The following MAP3K7CL variants were observed in gnomAD, a reference collection of about 807,000 sequenced individuals.
MAP3K7CL encodes MAP3K7 C-terminal-like protein.
A neutral mutation model predicts 18.6 loss-of-function variants in MAP3K7CL; 16 were observed. The observed-to-expected ratio is 0.86, with a 90% CI of 0.58 to 1.31. The LOEUF is 1.31. MAP3K7CL is among the 50% of genes most tolerant of loss of function. MAP3K7CL has a pLI of 0.00. For missense variants in MAP3K7CL, 163 were observed against 174.4 expected (o/e 0.93, Z 0.37); for synonymous variants, 65 against 66.8 (o/e 0.97, Z 0.13).
At chr21:29,114,890 A>G (rs1738717046) in intron 4 of MAP3K7CL, among the ~76,000 whole-genome samples, 1 of 152,172 alleles carries the variant, frequency 6.6e-6, no homozygotes. Context: ...GTGGGTGTGG[A>G]AAGACTTGGA....
intron 4 of MAP3K7CL, among the ~76,000 whole-genome samples, chr21:29,166,494 C>T (rs1454989941): frequency 6.6e-6 from 1 of 152,164 alleles, no homozygotes; most frequent in East Asian, 1.9e-4. Flanking sequence ...GTTGTGCAAC[C>T]ATCACCAACT....
chr21:29,129,888 C>T (rs1413095578), upstream of MAP3K7CL, among the ~76,000 whole-genome samples: 1 of 152,190 alleles, frequency 6.6e-6, no homozygotes, highest in Non-Finnish European at 1.5e-5. Flanking sequence ...TCTTAGTTTG[C>T]AATTCCCTAA....
chr21:29,109,564 T>G, intron 4 of MAP3K7CL: 1 of 1,018,368 alleles, frequency 9.8e-7, no homozygotes, highest in Non-Finnish European at 1.2e-6. Context: ...GAAATCCATT[T>G]TTTGATTTAT....
intron 4 of MAP3K7CL, among the ~76,000 whole-genome samples, chr21:29,115,983 G>A (rs1447438550): frequency 2.0e-5 from 3 of 152,208 alleles, no homozygotes; most frequent in African/African-American, 7.2e-5. Flanking sequence ...TGAATTGGTG[G>A]TAAAGCGAGC....
At position 29,174,699 on chromosome 21, in the gene MAP3K7CL, C is replaced by G; in HGVS notation, c.249-13C>G. On this transcript the variant is annotated splice_polypyrimidine_tract_variant and intron_variant, in intron 4 of 4. Coordinates refer to ENST00000399928, the MANE Select transcript of MAP3K7CL (RefSeq NM_001286620.2). ...TTCTGTGCTTCTTCCTGCCCTTTAC[C>G]CCGAATCTTCAGGAAGGAGCTCATT... 1 of 1,613,408 alleles carries G rather than the reference C, an allele frequency of 6.2e-7. No individual in the cohort carries two copies. Among genetic ancestry groups the G allele is most frequent in the Non-Finnish European group, 8.5e-7 (1 of 1,179,666 alleles).
chr21:29,155,443 C>A (rs1230592920), intron 3 of MAP3K7CL, among the ~76,000 whole-genome samples: 1 of 152,186 alleles, frequency 6.6e-6, no homozygotes, highest in African/African-American at 2.4e-5. Context: ...CCCGAGCCGG[C>A]TTTGCTCCTA....
At chr21:29,115,295 C>T (rs2086486638) in intron 4 of MAP3K7CL, among the ~76,000 whole-genome samples, 1 of 152,228 alleles carries the variant, frequency 6.6e-6, no homozygotes, top group South Asian at 2.1e-4. Flanking sequence ...AACCATCTCA[C>T]CTTTCATTTA....
In MAP3K7CL at chr21:29,086,021, T is replaced by C. The variant is rs1471143195; in HGVS notation, c.57+104T>C. On this transcript the variant is annotated intron_variant, in intron 1 of 6. Transcript: ENST00000286791. ...AATGTAGGAAAGAAGCAGAGAGAAA[T>C]GGACCTTGGAAGTCTCAGCTAACCA... 4 of 1,271,868 alleles carry C rather than the reference T, an allele frequency of 3.1e-6. No homozygotes were observed. In the East Asian group the frequency reaches 7.0e-5, roughly 22 times the overall value. The allele number at this position is 1,271,868 out of a possible 1,614,324, so 78.8% of individuals were successfully genotyped here.
At chr21:29,163,679 A>T (rs1245914090) in intron 4 of MAP3K7CL, among the ~76,000 whole-genome samples, 1 of 147,476 alleles carries the variant, frequency 6.8e-6, no homozygotes, top group Non-Finnish European at 1.5e-5. Context: ...TTGGCCTAAC[A>T]GGCCCCTTTC....
At chr21:29,164,732 T>C (rs1392916213) in intron 4 of MAP3K7CL, among the ~76,000 whole-genome samples, 3 of 152,204 alleles carry the variant, frequency 2.0e-5, no homozygotes, top group Non-Finnish European at 4.4e-5. Flanking sequence ...TACGAGAGGT[T>C]TGTTATATTT....
chr21:29,160,069 C>A lies in MAP3K7CL; in HGVS notation c.248+13C>A. ...TTGAGCAAAGGAAGTAAGTACCTAC[C>A]CCCCTCACTCTACATCTGAGCACTG... is the stretch of plus-strand genomic sequence containing the variant. On this transcript the variant is annotated intron_variant, in intron 4 of 4. Coordinates refer to ENST00000399928, the MANE Select transcript of MAP3K7CL (RefSeq NM_001286620.2). 1.9e-6 allele frequency: 3 copies of A among 1,596,272 alleles called. No individual in the cohort carries two copies. Among genetic ancestry groups the A allele is most frequent in the Non-Finnish European group, 2.6e-6 (3 of 1,163,992 alleles).
intron 3 of MAP3K7CL, among the ~76,000 whole-genome samples, chr21:29,156,919 G>A (rs2087419063): frequency 6.6e-6 from 1 of 152,094 alleles, no homozygotes; most frequent in African/African-American, 2.4e-5. Context: ...AACAATGTTT[G>A]GGGTTACCAG....
chr21:29,170,486 C>T (rs946542261), intron 4 of MAP3K7CL, among the ~76,000 whole-genome samples: 1 of 152,158 alleles, frequency 6.6e-6, no homozygotes, highest in Non-Finnish European at 1.5e-5. Context: ...CCATTGTTAT[C>T]CCCATTACCA....
rs2087925352 is a variant in MAP3K7CL, at chr21:29,174,754, G to A, written c.291G>A (p.Lys97=). Residue 97 remains lysine, a synonymous_variant, in exon 5 of 5, where the codon AAG becomes AAA. Coordinates refer to ENST00000399928, the MANE Select transcript of MAP3K7CL (RefSeq NM_001286620.2). Reference sequence around the variant, plus strand: ...AGTTAGATCAGGCAGAAAAGGAGAAGGTGGATGCTGCTGAGCTGGTTCGGG... The same window carrying A: ...AGTTAGATCAGGCAGAAAAGGAGAAAGTGGATGCTGCTGAGCTGGTTCGGG... The part of the protein sequence containing the change: ...IAKLDQAEKE[K]VDAAELVREF... 1.2e-6 allele frequency: 2 copies of A among 1,614,076 alleles called. No homozygotes were observed. The highest frequency in any genetic ancestry group is 1.7e-5 in the Admixed American group (1 of 60,008).
intron 4 of MAP3K7CL, among the ~76,000 whole-genome samples, chr21:29,097,393 A>C (rs946322947): frequency 6.6e-5 from 10 of 152,160 alleles, no homozygotes; most frequent in African/African-American, 2.4e-4. Flanking sequence ...AAAGAGAAAA[A>C]CGCTCTTATA....
intron 4 of MAP3K7CL, among the ~76,000 whole-genome samples, chr21:29,112,617 C>T (rs929989232): frequency 2.0e-5 from 3 of 151,422 alleles, no homozygotes; most frequent in African/African-American, 7.3e-5. Flanking sequence ...TTTCTTTTCC[C>T]TTGATAATTA....
chr21:29,130,900 A>G lies in MAP3K7CL; in HGVS notation c.-63A>G, dbSNP rs960358808. On this transcript the variant is annotated 5_prime_UTR_variant, in exon 1 of 5. Coordinates refer to ENST00000399928, the MANE Select transcript of MAP3K7CL (RefSeq NM_001286620.2). The stretch of plus-strand genomic sequence containing the variant: ...GCAGTGGCTGGCTCTGGGTTACACA[A>G]GTGCAGACACTCAACTAAGTGAGGT... 9.1e-6 allele frequency: 9 copies of G among 985,454 alleles called. No individual in the cohort carries two copies. Among genetic ancestry groups the G allele is most frequent in the Admixed American group, 6.1e-5 (1 of 16,274 alleles). 61.0% of individuals were successfully genotyped at this position (985,454 alleles called of 1,614,324 possible). A position where few individuals can be genotyped will look rare whatever the true frequency, so the allele number is the denominator to read the frequency against.
chr21:29,111,685 C>T (rs1478937228), intron 4 of MAP3K7CL, among the ~76,000 whole-genome samples: 2 of 152,140 alleles, frequency 1.3e-5, no homozygotes, highest in African/African-American at 2.4e-5. Context: ...TGAAGCCTAA[C>T]TCTGGGGTGA....
intron 4 of MAP3K7CL, among the ~76,000 whole-genome samples, chr21:29,107,179 G>T (rs961138643): frequency 6.6e-6 from 1 of 152,148 alleles, no homozygotes; most frequent in Non-Finnish European, 1.5e-5. Flanking sequence ...AGTCGGGCAT[G>T]GTGGTGGACA....
Sources: gnomAD v4.1 joint callset for allele counts (sites outside exome capture counted in the v4.1 genomes callset) on GRCh38, gnomAD v4.1.1 for gene constraint, MANE v1.5 for transcripts, NCBI Gene and HGNC (gene_info 2026-07-23, HGNC 2026-07-21) for gene names.